PLEKHD1: variants seen among roughly 807,000 people sequenced by gnomAD.
PLEKHD1 encodes the protein pleckstrin homology and coiled-coil domain containing D1.
Under a neutral mutation model 69.2 loss-of-function variants are expected in PLEKHD1, and 51 were observed. The ratio of observed to expected loss-of-function variants is 0.74; its 90% CI spans 0.59 to 0.93. PLEKHD1 has a LOEUF of 0.93. PLEKHD1 is among the 40% of genes least tolerant of loss of function. The pLI is 0.00. For synonymous variants in PLEKHD1, 236 were observed against 244.7 expected (o/e 0.96, Z 0.33); for missense variants, 584 against 641.0 (o/e 0.91, Z 0.96).
chr14:69,499,346 AG>A (rs1473650879), intron 1 of PLEKHD1, among the ~76,000 whole-genome samples: 4 of 152,076 alleles, frequency 2.6e-5, no homozygotes, highest in Admixed American at 6.5e-5. Flanking sequence ...GGGGCCCTGG[AG>A]GAAGGAGCCA....
chr14:69,470,451 C>CAA, the PLEKHD1 span, among the ~76,000 whole-genome samples: 432 of 120,690 alleles, frequency 3.6e-3, 2 homozygotes, highest in African/African-American at 9.4e-3. Flanking sequence ...TGACAGAGAT[C>CAA]AAAAAAAAAA....
At chr14:69,485,985 G>C (rs1379540215) in intron 1 of PLEKHD1, among the ~76,000 whole-genome samples, 1 of 152,240 alleles carries the variant, frequency 6.6e-6, no homozygotes, top group Non-Finnish European at 1.5e-5. Context: ...CTTGCAGGAA[G>C]CTCCCAACTG....
the PLEKHD1 span, among the ~76,000 whole-genome samples, chr14:69,470,572 C>T: frequency 1.3e-5 from 2 of 152,132 alleles, no homozygotes; most frequent in Admixed American, 6.5e-5. Context: ...TGCCTCTGCC[C>T]TCTCCTGAAG....
chr14:69,486,272 A>AT (rs1435979342), intron 1 of PLEKHD1, among the ~76,000 whole-genome samples: 1 of 152,218 alleles, frequency 6.6e-6, no homozygotes, highest in Non-Finnish European at 1.5e-5. Flanking sequence ...CTGATGAATA[A>AT]TTTAATGTTT....
intron 1 of PLEKHD1, among the ~76,000 whole-genome samples, chr14:69,490,477 C>G (rs1488844701): frequency 6.6e-6 from 1 of 152,326 alleles, no homozygotes; most frequent in African/African-American, 2.4e-5. Context: ...CAGTTCCTAA[C>G]AGGCCATGGA....
chr14:69,490,497 G>C (rs1882754192), intron 1 of PLEKHD1, among the ~76,000 whole-genome samples: 1 of 152,164 alleles, frequency 6.6e-6, no homozygotes. Context: ...ACTGGTACTG[G>C]TCCAGGGCCC....
Position 69,527,835 on chromosome 14 carries a change from G to A in PLEKHD1, c.1254G>A (p.Val418=). ...CCGAGCTGGAGGCCAAGATGCCTGTGATCATGAAGAACTCCGTGTACATCC... is the reference window on the plus strand; with the variant it reads ...CCGAGCTGGAGGCCAAGATGCCTGTAATCATGAAGAACTCCGTGTACATCC... ...RNAELEAKMP[V]IMKNSVYIHK... Residue 418 remains valine (V), a synonymous_variant, in exon 12 of 13, where the codon GTG becomes GTA. Coordinates refer to ENST00000322564, the MANE Select transcript of PLEKHD1 (RefSeq NM_001161498.2). 1.3e-6 allele frequency: 2 copies of A among 1,551,540 alleles called. No individual in the cohort carries two copies. The highest frequency in any genetic ancestry group is 8.7e-7 in the Non-Finnish European group (1 of 1,147,010).
rs749582198 is a variant in PLEKHD1 at position 69,484,922 on chromosome 14, C to T, written c.-44C>T. The stretch of plus-strand genomic sequence containing the variant: ...TCTCGCCCCGAGTCCCTGCTGACCC[C>T]GGGGAGGTGGGGTCCGGGCCGGGCA... On this transcript the variant is annotated 5_prime_UTR_variant, in exon 1 of 13. Coordinates refer to ENST00000322564, the MANE Select transcript of PLEKHD1 (RefSeq NM_001161498.2). 301 of 1,539,790 alleles carry T rather than the reference C, an allele frequency of 2.0e-4. No individual in the cohort carries two copies. The highest frequency in any genetic ancestry group is 2.5e-4 in the Non-Finnish European group (288 of 1,139,758).
intron 1 of PLEKHD1, among the ~76,000 whole-genome samples, chr14:69,489,462 G>A (rs1382952226): frequency 3.4e-5 from 5 of 145,044 alleles, no homozygotes; most frequent in African/African-American, 1.3e-4. Context: ...AGGAGGTTGA[G>A]GCAGGAGAAT....
chr14:69,469,726 T>A, the PLEKHD1 span, among the ~76,000 whole-genome samples: 6 of 152,068 alleles, frequency 3.9e-5, no homozygotes, highest in Non-Finnish European at 7.4e-5. Flanking sequence ...TTGTCTCTTT[T>A]TAGTTTTTTT....
chr14:69,521,455 G>A (rs1883512357), intron 6 of PLEKHD1, among the ~76,000 whole-genome samples: 1 of 152,206 alleles, frequency 6.6e-6, no homozygotes, highest in South Asian at 2.1e-4. Flanking sequence ...GCCCCCAGGT[G>A]AAAATGAGAG....
At chr14:69,476,316 T>C in the PLEKHD1 span, among the ~76,000 whole-genome samples, 4 of 146,776 alleles carry the variant, frequency 2.7e-5, no homozygotes, top group African/African-American at 1.0e-4. Context: ...ATGCCTGTAA[T>C]CCCAGCAACA....
chr14:69,474,374 C>G, the PLEKHD1 span, among the ~76,000 whole-genome samples: 1 of 152,154 alleles, frequency 6.6e-6, no homozygotes. Flanking sequence ...GAACTCTGAC[C>G]ACCGGTTCGC....
At chr14:69,500,766 C>T in intron 3 of PLEKHD1, 100 bp downstream of exon 3, 1 of 1,512,792 alleles carries the variant, frequency 6.6e-7, no homozygotes, top group South Asian at 1.2e-5. Flanking sequence ...GGGAGAGGGG[C>T]ATCAGCACCC....
At chr14:69,524,035 A>G (rs1289255558) in intron 7 of PLEKHD1, among the ~76,000 whole-genome samples, 194 bp from the exon 8 acceptor site, 1 of 152,178 alleles carries the variant, frequency 6.6e-6, no homozygotes, top group Non-Finnish European at 1.5e-5. Context: ...CTCCAACCCC[A>G]TGTGGCCAGG....
chr14:69,527,897 TCCA>T lies in PLEKHD1; in HGVS notation c.1319_1321del (p.His440del), dbSNP rs1167780758. On this transcript the variant is annotated inframe_deletion, in exon 12 of 13. Coordinates refer to ENST00000322564, the MANE Select transcript of PLEKHD1 (RefSeq NM_001161498.2). The stretch of plus-strand genomic sequence containing the variant: ...ACTCGCCGCATCAAGAGCTGCCGCT[TCCA>T]CCGACGCCGGTCCAGCACCTCCTGG... The T allele has an allele frequency of 1.9e-6, 3 of 1,551,422 alleles. No individual in the cohort carries two copies. In the African/African-American group the frequency reaches 4.1e-5, roughly 21 times the overall value.
rs113489075 is a variant in PLEKHD1 at position 69,511,048 on chromosome 14, T to A, written c.555+8169T>A. On this transcript the variant is annotated intron_variant, in intron 6 of 12. Transcript: ENST00000322564. ...CTGTTGATGTGATGGATTATATTAA[T>A]TGATTTTCAAATATTGAACCAGCCT... Among the ~76,000 whole-genome samples the A allele has an allele frequency of 1.2e-3, 182 of 152,362 alleles. 1 individual carries two copies. The highest frequency in any genetic ancestry group is 4.2e-3 in the African/African-American group (176 of 41,590).
intron 5 of PLEKHD1, 107 bp downstream of exon 5, chr14:69,501,932 G>A (rs1883035707): frequency 5.9e-6 from 6 of 1,017,900 alleles, no homozygotes; most frequent in Non-Finnish European, 5.7e-6. Context: ...CTCAGGTGGG[G>A]CTATGAGGGA....
At chr14:69,523,251 T>A (rs77382267) in intron 7 of PLEKHD1, among the ~76,000 whole-genome samples, 17,716 of 152,100 alleles carry the variant, frequency 0.12, 1,180 homozygotes, top group Non-Finnish European at 0.14. Context: ...ATATATTTTT[T>A]AAAAACACCC....
Sources: gnomAD v4.1 joint callset for allele counts (sites outside exome capture counted in the v4.1 genomes callset) on GRCh38, gnomAD v4.1.1 for gene constraint, MANE v1.5 for transcripts, NCBI Gene and HGNC (gene_info 2026-07-23, HGNC 2026-07-21) for gene names.